KIF1A: variants seen among roughly 807,000 people sequenced by gnomAD.
KIF1A encodes the protein kinesin family member 1A, also known as kinesin-like protein KIF1A.
A neutral mutation model predicts 227.3 loss-of-function variants in KIF1A; 46 were observed. The ratio of observed to expected loss-of-function variants is 0.20; its 90% CI spans 0.16 to 0.26. The LOEUF (loss-of-function observed/expected upper bound fraction) is 0.26. Among genes scored for constraint, KIF1A ranks in the 10% least tolerant of loss-of-function variants. KIF1A has a pLI of 1.00. For synonymous variants in KIF1A, 1,022 were observed against 1,012.8 expected, an observed-to-expected ratio of 1.01 and a Z score of -0.17; for missense variants, 1,683 against 2,485.9, an observed-to-expected ratio of 0.68 and a Z score of 6.87.
At chr2:240,769,542 G>A in intron 16 of KIF1A, 85 bp downstream of exon 16, 2 of 1,133,794 alleles carry the variant, frequency 1.8e-6, no homozygotes, top group South Asian at 1.4e-5. Flanking sequence ...AGCACTGGAG[G>A]GCAGGGCTCA....
At chr2:240,738,870 T>C (rs1160954281) in intron 37 of KIF1A, among the ~76,000 whole-genome samples, 1 of 152,194 alleles carries the variant, frequency 6.6e-6, no homozygotes, top group Non-Finnish European at 1.5e-5. Flanking sequence ...TTGAGGGAAG[T>C]GAGACCAGGG....
intron 38 of KIF1A, among the ~76,000 whole-genome samples, chr2:240,735,023 G>A (rs561308518): frequency 2.6e-5 from 4 of 152,302 alleles, no homozygotes; most frequent in East Asian, 3.9e-4. Context: ...GGCTGAGGAC[G>A]CCAGCACCGT....
chr2:240,768,525 C>A (rs1353526405), intron 17 of KIF1A, among the ~76,000 whole-genome samples: 2 of 152,186 alleles, frequency 1.3e-5, no homozygotes, highest in Non-Finnish European at 2.9e-5. Context: ...ACTAGAACCA[C>A]AAGAAAGACT....
Position 240,757,706 on chromosome 2 carries a change from C to T in KIF1A, c.2583-112G>A, listed in dbSNP as rs934335308. 1 of 998,986 alleles carries T rather than the reference C, an allele frequency of 1.0e-6. No individual in the cohort carries two copies. Among genetic ancestry groups the T allele is most frequent in the Non-Finnish European group, 1.5e-6 (1 of 685,196 alleles). 61.9% of individuals were successfully genotyped at this position (998,986 alleles called of 1,614,324 possible). Reference sequence around the variant, plus strand: ...CTGTTTAAAACCAAAACCAAACACACAGACCATCGAGAATGCTGCTTTAAA... The same window carrying T: ...CTGTTTAAAACCAAAACCAAACACATAGACCATCGAGAATGCTGCTTTAAA... On this transcript the variant is annotated intron_variant, in intron 26 of 48. Coordinates refer to ENST00000498729, the MANE Select transcript of KIF1A (RefSeq NM_001244008.2). This position sits in a 1 kb window ranked among gnomAD's most constrained non-coding sequence, Gnocchi z 6.2.
chr2:240,797,873 G>A (rs985183693), intron 1 of KIF1A, 61 bp from the exon 2 acceptor site: 32 of 639,890 alleles, frequency 5.0e-5, no homozygotes, highest in Middle Eastern at 5.0e-4. Context: ...CAGGCACTCC[G>A]GCTGCAGCTG....
At chr2:240,768,003 G>A (rs1234381614) in intron 17 of KIF1A, among the ~76,000 whole-genome samples, 1 of 152,202 alleles carries the variant, frequency 6.6e-6, no homozygotes, top group Non-Finnish European at 1.5e-5. Flanking sequence ...CCTGCCCCCT[G>A]AGTGGGGAAG....
chr2:240,811,153 G>A lies in KIF1A; in HGVS notation c.-61+8969C>T, dbSNP rs1454301193. Among the ~76,000 whole-genome samples, 4 of 152,304 alleles carry A rather than the reference G, an allele frequency of 2.6e-5. No individual in the cohort carries two copies. In the East Asian group the frequency reaches 7.7e-4, roughly 29 times the overall value. ...GAGGTGGGCAGATCACTTGAGGTCA[G>A]GAGTTAGTGGCCACCCTGGCTTGTA... On this transcript the variant is annotated intron_variant, in intron 1 of 48. Coordinates refer to ENST00000498729, the MANE Select transcript of KIF1A (RefSeq NM_001244008.2).
intron 1 of KIF1A, among the ~76,000 whole-genome samples, chr2:240,809,959 CTATTTT>C (rs796842489): frequency 7.3e-5 from 11 of 151,720 alleles, no homozygotes; most frequent in Admixed American, 2.6e-4. Flanking sequence ...GCCATCACAC[CTATTTT>C]TATTTTTATT....
chr2:240,726,828 C>T lies in KIF1A; in HGVS notation c.4120G>A (p.Glu1374Lys), dbSNP rs951775920. ...KIYMTLSAYI[E>K]MENCTQPAVV... ...GTGCCCTGGCATAGGTGCCTTGCCT[C>T]GATATAAGCGGAGAGTGTCATGTAG... Residue 1374 changes from glutamate to lysine, a missense_variant and splice_region_variant, in exon 39 of 49, where the codon GAG (glutamate) becomes AAG (lysine). Coordinates refer to ENST00000498729, the MANE Select transcript of KIF1A (RefSeq NM_001244008.2). The surrounding 1 kb of genome is among the most constrained non-coding windows in gnomAD (Gnocchi z 5.2). The T allele has an allele frequency of 2.9e-5, 47 of 1,600,624 alleles. No individual in the cohort carries two copies. The highest frequency in any genetic ancestry group is 2.1e-5 in the Non-Finnish European group (25 of 1,170,562).
chr2:240,736,160 G>A lies in KIF1A; in HGVS notation c.4007+903C>T, dbSNP rs2047297475. ...AAGAATAGGAGACGACGCCCGCCAGGACCCTCCTTCCTTATGACCCTGACC... is the reference window on the plus strand; with the variant it reads ...AAGAATAGGAGACGACGCCCGCCAGAACCCTCCTTCCTTATGACCCTGACC... On this transcript the variant is annotated intron_variant, in intron 38 of 48. Coordinates refer to ENST00000498729, the MANE Select transcript of KIF1A (RefSeq NM_001244008.2). This position sits in a 1 kb window ranked among gnomAD's most constrained non-coding sequence, Gnocchi z 4.7. Among the ~76,000 whole-genome samples the A allele has an allele frequency of 6.6e-6, 1 of 152,100 alleles. No homozygotes were observed. Among genetic ancestry groups the A allele is most frequent in the Non-Finnish European group, 1.5e-5 (1 of 68,012 alleles).
chr2:240,746,021 C>A lies in KIF1A; in HGVS notation c.3202+18G>T. ...TCAGCATCCCCTACGCCCTGGGCAG[C>A]TGGGGTGGGCGACCCACCTGAACAG... On this transcript the variant is annotated intron_variant, in intron 30 of 48. Coordinates refer to ENST00000498729, the MANE Select transcript of KIF1A (RefSeq NM_001244008.2). 6.2e-7 allele frequency: 1 copy of A among 1,607,088 alleles called. No homozygotes were observed. The highest frequency in any genetic ancestry group is 1.3e-5 in the African/African-American group (1 of 74,934).
rs1212771375 is a variant in KIF1A, at chr2:240,758,108, A to G, written c.2582+252T>C. Among the ~76,000 whole-genome samples, 1 of 152,212 alleles carries G rather than the reference A, an allele frequency of 6.6e-6. No homozygotes were observed. The highest frequency in any genetic ancestry group is 1.5e-5 in the Non-Finnish European group (1 of 68,028). On this transcript the variant is annotated intron_variant, in intron 26 of 48. Transcript: ENST00000498729. The surrounding 1 kb of genome is among the most constrained non-coding windows in gnomAD (Gnocchi z 5.2). ...CATGGACCCATGGGTTCTGGCGGCT[A>G]CAGCCCTGCAGTGGGTTTGGGTGGC...
Position 240,740,512 on chromosome 2 carries a change from G to T in KIF1A, c.3750-148C>A. 1.5e-6 allele frequency: 1 copy of T among 676,148 alleles called. No homozygotes were observed. The highest frequency in any genetic ancestry group is 2.6e-6 in the Non-Finnish European group (1 of 380,924). 41.9% of individuals were successfully genotyped at this position (676,148 alleles called of 1,614,324 possible). ...AGGTGGTCTGATCCATGGAGACCACGGTCAGCTGAGCACAGAAACCCACCA... is the reference window on the plus strand; with the variant it reads ...AGGTGGTCTGATCCATGGAGACCACTGTCAGCTGAGCACAGAAACCCACCA... On this transcript the variant is annotated intron_variant, in intron 35 of 48. Coordinates refer to ENST00000498729, the MANE Select transcript of KIF1A (RefSeq NM_001244008.2). This position sits in a 1 kb window ranked among gnomAD's most constrained non-coding sequence, Gnocchi z 6.1.
intron 38 of KIF1A, among the ~76,000 whole-genome samples, chr2:240,732,564 T>A (rs1269662270): frequency 1.3e-4 from 2 of 15,148 alleles, no homozygotes; most frequent in Non-Finnish European, 1.2e-4. Context: ...GGATGGGGGA[T>A]GAGGGGGGTA....
At chr2:240,735,920 C>A (rs1256435531) in intron 38 of KIF1A, among the ~76,000 whole-genome samples, 1 of 152,060 alleles carries the variant, frequency 6.6e-6, no homozygotes, top group East Asian at 1.9e-4. Flanking sequence ...TCTGGAAGGC[C>A]ACAGGCAGGG....
intron 1 of KIF1A, among the ~76,000 whole-genome samples, chr2:240,808,337 ATTAAAACATATT>A (rs753419081): frequency 6.6e-6 from 1 of 152,186 alleles, no homozygotes; most frequent in Non-Finnish European, 1.5e-5. Context: ...CTGATAAAGA[ATTAAAACATATT>A]TTAAGGTATC....
chr2:240,761,363 G>A lies in KIF1A; in HGVS notation c.2131C>T (p.Arg711Trp), dbSNP rs767543598. Reference protein sequence around the residue: ...EPEDEVQWTERECELALWAFR... With the variant: ...EPEDEVQWTEWECELALWAFR... Reference sequence around the variant, plus strand: ...GCCCAGAGCGCCAGCTCACACTCCCGCTCTGTCCACTGGACTGTGGGGAGA... The same window carrying A: ...GCCCAGAGCGCCAGCTCACACTCCCACTCTGTCCACTGGACTGTGGGGAGA... The change falls in exon 24 of 49, where the codon CGG (arginine) becomes TGG (tryptophan). Residue 711 changes from arginine to tryptophan, a missense_variant. Transcript: ENST00000498729. The A allele has an allele frequency of 3.4e-5, 54 of 1,609,736 alleles. No individual in the cohort carries two copies. The highest frequency in any genetic ancestry group is 4.4e-5 in the Non-Finnish European group (52 of 1,177,430).
intron 23 of KIF1A, among the ~76,000 whole-genome samples, chr2:240,762,477 G>A (rs1185349393): frequency 1.3e-5 from 2 of 152,240 alleles, no homozygotes; most frequent in Non-Finnish European, 2.9e-5. Flanking sequence ...ATGTGTGCAT[G>A]TGTGTACACA....
chr2:240,745,940 C>T (rs1009908754), intron 30 of KIF1A, 31 bp from the exon 31 acceptor site: 1 of 1,593,768 alleles, frequency 6.3e-7, no homozygotes, highest in Non-Finnish European at 8.6e-7. Context: ...AGTCATGGAC[C>T]TCCAGGCCAT....
Sources: gnomAD v4.1 joint callset for allele counts (sites outside exome capture counted in the v4.1 genomes callset) on GRCh38, gnomAD v4.1.1 for gene constraint, Gnocchi (gnomAD v3.1) non-coding constraint, MANE v1.5 for transcripts, NCBI Gene and HGNC (gene_info 2026-07-23, HGNC 2026-07-21) for gene names.